Variants in CDC14A observed in about 807,000 individuals in gnomAD.
CDC14A encodes cell division cycle 14A, also known as dual specificity protein phosphatase CDC14A.
CDC14A carries 53 observed loss-of-function variants against 74.4 expected under a neutral mutation model. The ratio of observed to expected loss-of-function variants is 0.71; its 90% CI spans 0.57 to 0.89. The LOEUF is 0.89. Among genes scored for constraint, CDC14A ranks in the 40% least tolerant of loss-of-function variants. The probability of loss-of-function intolerance (pLI) is 0.00; values close to 1 mark genes in which losing one functional copy is unlikely to be tolerated. For synonymous variants in CDC14A, 247 were observed against 258.4 expected (o/e 0.96, Z 0.43); for missense variants, 646 against 713.7 (o/e 0.91, Z 1.08).
chr1:100,436,581 T>C (rs995029092), intron 5 of CDC14A, among the ~76,000 whole-genome samples: 1 of 151,994 alleles, frequency 6.6e-6, no homozygotes, highest in Non-Finnish European at 1.5e-5. Flanking sequence ...CCTGCCACCA[T>C]GCCTGGCTAA....
intron 4 of CDC14A, among the ~76,000 whole-genome samples, chr1:100,411,390 G>A (rs1269047286): frequency 6.6e-6 from 1 of 151,950 alleles, no homozygotes. Context: ...CCTGTGTTCT[G>A]ATCACTTCTC....
At chr1:100,394,267 C>T (rs905039202) in intron 4 of CDC14A, among the ~76,000 whole-genome samples, 4 of 152,134 alleles carry the variant, frequency 2.6e-5, no homozygotes, top group African/African-American at 9.6e-5. Flanking sequence ...AGGTGTGTGC[C>T]ACCACAGCCA....
chr1:100,430,489 A>T (rs1663525150), intron 5 of CDC14A, among the ~76,000 whole-genome samples: 1 of 152,158 alleles, frequency 6.6e-6, no homozygotes, highest in Non-Finnish European at 1.5e-5. Context: ...CTCAAAAGTA[A>T]TTATTTTAGA....
In CDC14A at chr1:100,390,844, T is replaced by A; in HGVS notation, c.309+20T>A. 1 of 1,541,814 alleles carries A rather than the reference T, an allele frequency of 6.5e-7. No homozygotes were observed. The highest frequency in any genetic ancestry group is 9.0e-7 in the Non-Finnish European group (1 of 1,115,446). ...TATGCAGTAAGTACCTTCTTCATGA[T>A]TATTTTCTATAATCAGGCCAGTGAA... is the stretch of plus-strand genomic sequence containing the variant. On this transcript the variant is annotated intron_variant, in intron 4 of 15. Coordinates refer to ENST00000336454, the MANE Select transcript of CDC14A (RefSeq NM_003672.4).
intron 6 of CDC14A, among the ~76,000 whole-genome samples, chr1:100,442,237 G>T (rs1003192282): frequency 7.4e-5 from 11 of 148,318 alleles, no homozygotes; most frequent in African/African-American, 2.5e-4. Context: ...TTCTCCCAAG[G>T]TAGAGTTTTA....
chr1:100,515,547 C>A (rs1466222880), intron 15 of CDC14A, among the ~76,000 whole-genome samples: 1 of 152,020 alleles, frequency 6.6e-6, no homozygotes, highest in Non-Finnish European at 1.5e-5. Context: ...CCATGCCCTG[C>A]TAATCTTTTG....
chr1:100,500,820 G>A (rs867731437), intron 15 of CDC14A, among the ~76,000 whole-genome samples: 1 of 127,002 alleles, frequency 7.9e-6, no homozygotes, highest in Non-Finnish European at 1.5e-5. Flanking sequence ...CAGTGTGTGT[G>A]TGTGTGTGTG....
intron 9 of CDC14A, among the ~76,000 whole-genome samples, chr1:100,465,555 T>G (rs189882809): frequency 1.3e-5 from 2 of 152,304 alleles, no homozygotes; most frequent in Admixed American, 1.3e-4. Flanking sequence ...GTCTTTTAAT[T>G]GAACTAAAAG....
intron 4 of CDC14A, chr1:100,393,028 T>TCTGAAG: frequency 7.4e-7 from 1 of 1,359,634 alleles, no homozygotes. Flanking sequence ...CGCGAAATTG[T>TCTGAAG]CTTTTCAGAA....
chr1:100,484,268 T>G, intron 10 of CDC14A, 24 bp from the exon 11 acceptor site: 1 of 1,394,552 alleles, frequency 7.2e-7, no homozygotes, highest in Non-Finnish European at 9.7e-7. Flanking sequence ...CTTGTCGTTT[T>G]GTTTTGTTTT....
chr1:100,504,884 A>T, intron 15 of CDC14A: 1 of 1,535,296 alleles, frequency 6.5e-7, no homozygotes, highest in Non-Finnish European at 8.7e-7. Flanking sequence ...CCAATTTCTC[A>T]TCTTTAAATA....
chr1:100,448,688 G>A (rs1665811853), intron 7 of CDC14A, among the ~76,000 whole-genome samples: 1 of 152,238 alleles, frequency 6.6e-6, no homozygotes, highest in African/African-American at 2.4e-5. Context: ...ATGATGTGCA[G>A]ATGAACATTT....
intron 4 of CDC14A, among the ~76,000 whole-genome samples, chr1:100,395,975 C>T (rs1220744983): frequency 1.3e-5 from 2 of 152,204 alleles, no homozygotes; most frequent in Non-Finnish European, 2.9e-5. Flanking sequence ...CTGTTACCTC[C>T]ACCCCTAGTC....
intron 10 of CDC14A, among the ~76,000 whole-genome samples, chr1:100,474,939 G>A (rs2101303244): frequency 6.6e-6 from 1 of 151,998 alleles, no homozygotes; most frequent in East Asian, 1.9e-4. Context: ...TGAATGTTTA[G>A]GTTTATGTCT....
At chr1:100,377,443 T>A in intron 2 of CDC14A, 103 bp from the exon 3 acceptor site, 1 of 777,040 alleles carries the variant, frequency 1.3e-6, no homozygotes, top group Non-Finnish European at 2.1e-6. Flanking sequence ...ATAAGATAAT[T>A]GAAATTTGAT....
At chr1:100,361,112 A>C (rs1652697471) in intron 2 of CDC14A, among the ~76,000 whole-genome samples, 1 of 148,624 alleles carries the variant, frequency 6.7e-6, no homozygotes, top group African/African-American at 2.5e-5. Flanking sequence ...AAAAAAAAAA[A>C]CAACAAAAAA....
In CDC14A at chr1:100,462,821, G is replaced by A. The variant is rs61755295; in HGVS notation, c.778G>A (p.Val260Met). ...IDGSTPSDNI[V>M]RRFLNICENT... Reference sequence around the variant, plus strand: ...TGGCAGCACACCCAGTGACAACATCGTGCGAAGGTTCCTGAACATCTGTGA... The same window carrying A: ...TGGCAGCACACCCAGTGACAACATCATGCGAAGGTTCCTGAACATCTGTGA... Residue 260 changes from valine (V) to methionine (M), a missense_variant, in exon 9 of 16, where the codon GTG becomes ATG. By Grantham distance (21) the Val-to-Met change is conservative. Transcript: ENST00000336454. 2,029 of 1,614,042 alleles carry A rather than the reference G, an allele frequency of 1.3e-3. 37 individuals carry two copies. Among genetic ancestry groups the A allele is most frequent in the Admixed American group, 1.0e-3 (61 of 60,014 alleles).
intron 15 of CDC14A, chr1:100,504,936 C>G: frequency 2.0e-6 from 3 of 1,527,676 alleles, no homozygotes; most frequent in Non-Finnish European, 2.6e-6. Flanking sequence ...AAGCTCTCCC[C>G]AGTAAGTGGA....
intron 2 of CDC14A, among the ~76,000 whole-genome samples, chr1:100,354,059 A>G (rs1651532970): frequency 6.6e-6 from 1 of 152,184 alleles, no homozygotes; most frequent in African/African-American, 2.4e-5. Flanking sequence ...TCTTTTAGAC[A>G]TCTATCTGTT....
Sources: gnomAD v4.1 joint callset for allele counts (sites outside exome capture counted in the v4.1 genomes callset) on GRCh38, gnomAD v4.1.1 for gene constraint, MANE v1.5 for transcripts, NCBI Gene and HGNC (gene_info 2026-07-23, HGNC 2026-07-21) for gene names.